MYO1D: variants seen among roughly 807,000 people sequenced by gnomAD.
MYO1D encodes unconventional myosin-Id.
In MYO1D, 83 loss-of-function variants were observed where a neutral mutation model predicts 122.0. The ratio of observed to expected loss-of-function variants is 0.68; its 90% CI spans 0.57 to 0.82. MYO1D has a LOEUF of 0.82. Among genes scored for constraint, MYO1D ranks in the 40% least tolerant of loss-of-function variants. The probability of loss-of-function intolerance (pLI) is 0.00; values close to 1 mark genes in which losing one functional copy is unlikely to be tolerated. For synonymous variants in MYO1D, 464 were observed against 446.9 expected, an observed-to-expected ratio of 1.04 and a Z score of -0.48; for missense variants, 1,157 against 1,269.5, an observed-to-expected ratio of 0.91 and a Z score of 1.35.
At chr17:32,632,935 T>C (rs1307408615) in intron 20 of MYO1D, among the ~76,000 whole-genome samples, 1 of 151,930 alleles carries the variant, frequency 6.6e-6, no homozygotes, top group African/African-American at 2.4e-5. Flanking sequence ...TGAAGAGCAA[T>C]GGAGAAAAAT....
At chr17:32,560,528 CAT>C (rs56214129) in intron 21 of MYO1D, among the ~76,000 whole-genome samples, 765 of 64,954 alleles carry the variant, frequency 0.012, 45 homozygotes, top group Admixed American at 0.014. Context: ...CCAGAGACAA[CAT>C]ATATATATAT....
At chr17:32,650,135 C>T (rs1036974883) in intron 19 of MYO1D, among the ~76,000 whole-genome samples, 8 of 152,122 alleles carry the variant, frequency 5.3e-5, no homozygotes, top group African/African-American at 1.9e-4. Context: ...TAGTGTTTAT[C>T]TTCAGATATG....
At chr17:32,596,793 G>A (rs796240691) in intron 21 of MYO1D, among the ~76,000 whole-genome samples, 1 of 152,246 alleles carries the variant, frequency 6.6e-6, no homozygotes, top group South Asian at 2.1e-4. Context: ...GCTGCTTAGG[G>A]CAGATGGGTC....
At chr17:32,675,405 C>T (rs2088793239) in intron 16 of MYO1D, among the ~76,000 whole-genome samples, 1 of 152,126 alleles carries the variant, frequency 6.6e-6, no homozygotes, top group Non-Finnish European at 1.5e-5. Context: ...AAGTATCATA[C>T]CTACCAGAAA....
At chr17:32,595,808 T>C (rs1316403207) in intron 21 of MYO1D, among the ~76,000 whole-genome samples, 2 of 152,138 alleles carry the variant, frequency 1.3e-5, no homozygotes, top group African/African-American at 4.8e-5. Context: ...CAAGTAAAGA[T>C]ACAGCATGTC....
At chr17:32,581,555 C>G (rs780855340) in intron 21 of MYO1D, among the ~76,000 whole-genome samples, 5 of 149,898 alleles carry the variant, frequency 3.3e-5, no homozygotes, top group Non-Finnish European at 7.4e-5. Flanking sequence ...CTCTCTCTTT[C>G]CCTCTCCATG....
At chr17:32,590,622 G>A (rs1425357487) in intron 21 of MYO1D, among the ~76,000 whole-genome samples, 1 of 152,114 alleles carries the variant, frequency 6.6e-6, no homozygotes, top group Non-Finnish European at 1.5e-5. Context: ...AAATAGAACA[G>A]TGTTTGTGGC....
At chr17:32,823,711 A>G (rs888556975) in intron 1 of MYO1D, among the ~76,000 whole-genome samples, 5 of 152,198 alleles carry the variant, frequency 3.3e-5, no homozygotes, top group African/African-American at 1.2e-4. Context: ...TAGATGTTCA[A>G]ATTATCAAAA....
chr17:32,582,406 C>T lies in MYO1D; in HGVS notation c.2864+22681G>A, dbSNP rs80076874. On this transcript the variant is annotated intron_variant, in intron 21 of 21. Transcript: ENST00000318217. ...TCAAAATACTAATGTCTCTTAATTT[C>T]CCCTTTGACCTATAAGTTACTTTGG... is the stretch of plus-strand genomic sequence containing the variant. Among the ~76,000 whole-genome samples, 1,343 of 152,228 alleles carry T rather than the reference C, an allele frequency of 8.8e-3. 40 individuals carry two copies. The highest frequency in any genetic ancestry group is 0.076 in the East Asian group (396 of 5,180).
Position 32,605,170 on chromosome 17 carries a change from G to A in MYO1D, c.2781C>T (p.Leu927=), listed in dbSNP as rs764432196. 15 of 1,609,932 alleles carry A rather than the reference G, an allele frequency of 9.3e-6. No individual in the cohort carries two copies. The African/African-American group carries it at 1.2e-4, about 13-fold the overall frequency. The part of the protein sequence containing the change: ...VVFHTKDNKD[L]IVCLFSKQPT... ...GCTGTTTGCTGAAGAGGCAGACAAT[G>A]AGGTCTTTGTTGTCTTTCGTATGGA... Residue 927 remains leucine, a synonymous_variant, in exon 21 of 22, where the codon CTC becomes CTT. Transcript: ENST00000318217.
rs71144843 is a variant in MYO1D, at chr17:32,580,289, A to ATT, written c.2864+24796_2864+24797dup. ...CTTCTATTGTTAGTCTGCTAAGAGG[A>ATT]TTTTTTTTTTTTTTTTTTTTTTTTT... On this transcript the variant is annotated intron_variant, in intron 21 of 21. Transcript: ENST00000318217. 3.1e-3 allele frequency among the ~76,000 whole-genome samples: 121 copies of ATT among 39,132 alleles called. 11 individuals carry two copies. The highest frequency in any genetic ancestry group is 6.2e-3 in the African/African-American group (55 of 8,862). 25.7% of individuals were successfully genotyped at this position (39,132 alleles called of 152,430 possible).
chr17:32,659,743 T>C (rs2088533450), intron 16 of MYO1D, among the ~76,000 whole-genome samples: 1 of 152,178 alleles, frequency 6.6e-6, no homozygotes, highest in Admixed American at 6.5e-5. Flanking sequence ...TAACTTTACA[T>C]AGATTATACA....
intron 21 of MYO1D, among the ~76,000 whole-genome samples, chr17:32,526,187 T>C (rs745597181): frequency 2.0e-5 from 3 of 152,244 alleles, no homozygotes; most frequent in Non-Finnish European, 4.4e-5. Flanking sequence ...CACCAGATTG[T>C]AAACCCTGGG....
chr17:32,728,523 GACAA>G (rs2089601929), intron 14 of MYO1D, among the ~76,000 whole-genome samples: 1 of 152,094 alleles, frequency 6.6e-6, no homozygotes, highest in Non-Finnish European at 1.5e-5. Flanking sequence ...ATTTTTTAAA[GACAA>G]ACAAAACATA....
intron 1 of MYO1D, among the ~76,000 whole-genome samples, chr17:32,783,794 T>C (rs910155943): frequency 2.0e-4 from 31 of 152,288 alleles, no homozygotes; most frequent in Admixed American, 1.8e-3. Context: ...TAAAGTAATA[T>C]AGTCGCTTAC....
At chr17:32,498,335 T>G (rs536623675) in intron 21 of MYO1D, 15 of 152,280 alleles carry the variant, frequency 9.9e-5, no homozygotes, top group African/African-American at 3.4e-4. Context: ...CCACGTGAGA[T>G]CTCTCCTGAT....
chr17:32,863,693 A>T (rs1437560632), intron 1 of MYO1D, among the ~76,000 whole-genome samples: 1 of 152,250 alleles, frequency 6.6e-6, no homozygotes, highest in African/African-American at 2.4e-5. Flanking sequence ...AAAAGAATTA[A>T]ATCACATTCT....
chr17:32,494,937 G>C (rs199914405), intron 21 of MYO1D, 22 bp from the exon 22 acceptor site: 10 of 1,576,162 alleles, frequency 6.3e-6, no homozygotes, highest in Non-Finnish European at 8.7e-6. Flanking sequence ...AAAAACACCA[G>C]ACGGGCAGTT....
At chr17:32,570,175 C>T (rs2087210358) in intron 21 of MYO1D, among the ~76,000 whole-genome samples, 2 of 152,098 alleles carry the variant, frequency 1.3e-5, no homozygotes, top group South Asian at 4.1e-4. Context: ...GATGCCTCAC[C>T]CTCACCAATT....
Sources: allele counts gnomAD v4.1 joint callset (sites outside exome capture counted in the v4.1 genomes callset), GRCh38; gene constraint gnomAD v4.1.1; transcripts MANE v1.5; gene names NCBI Gene and HGNC (gene_info 2026-07-23, HGNC 2026-07-21).